The following VWA8 variants were observed in gnomAD, a reference collection of about 807,000 sequenced individuals.
VWA8 encodes the protein von Willebrand factor A domain-containing protein 8.
VWA8 carries 221 observed loss-of-function variants against 241.5 expected under a neutral mutation model. The ratio of observed to expected loss-of-function variants is 0.91; its 90% confidence interval spans 0.82 to 1.02. The LOEUF is 1.02. VWA8 is among the 50% of genes least tolerant of loss of function. The pLI, the probability that VWA8 is intolerant of heterozygous loss-of-function variation, is 0.00. For synonymous variants in VWA8, 852 were observed against 827.1 expected, an observed-to-expected ratio of 1.03 and a Z score of -0.52; for missense variants, 2,322 against 2,328.7, an observed-to-expected ratio of 1.00 and a Z score of 0.06.
chr13:41,693,315 G>T (rs1449472972), intron 29 of VWA8, among the ~76,000 whole-genome samples: 1 of 151,794 alleles, frequency 6.6e-6, no homozygotes, highest in Non-Finnish European at 1.5e-5. Context: ...TTATTATCTA[G>T]TTATAAGGAA....
At chr13:41,587,127 A>G (rs2044423683) in intron 42 of VWA8, among the ~76,000 whole-genome samples, 1 of 152,190 alleles carries the variant, frequency 6.6e-6, no homozygotes, top group Non-Finnish European at 1.5e-5. Flanking sequence ...CCATGTGGAA[A>G]TGGAACGTGA....
At chr13:41,569,392 G>A (rs1237080857) in intron 44 of VWA8, among the ~76,000 whole-genome samples, 2 of 152,198 alleles carry the variant, frequency 1.3e-5, no homozygotes, top group Non-Finnish European at 2.9e-5. Context: ...TTGAGGATGT[G>A]GAGGTTCTAA....
intron 21 of VWA8, among the ~76,000 whole-genome samples, chr13:41,742,889 T>C (rs1424343169): frequency 2.6e-5 from 4 of 152,194 alleles, no homozygotes; most frequent in Non-Finnish European, 5.9e-5. Flanking sequence ...TTTATGCTTA[T>C]GGTGGCACAA....
intron 26 of VWA8, among the ~76,000 whole-genome samples, chr13:41,716,858 A>G (rs2045350832): frequency 1.3e-5 from 2 of 152,052 alleles, no homozygotes; most frequent in Non-Finnish European, 2.9e-5. Flanking sequence ...GCTGGGTAGA[A>G]GCAGCCTACA....
intron 42 of VWA8, among the ~76,000 whole-genome samples, chr13:41,586,680 GC>G (rs1173099476): frequency 6.6e-6 from 1 of 152,174 alleles, no homozygotes; most frequent in South Asian, 2.1e-4. Flanking sequence ...ATCCTGGGGT[GC>G]ATGTGGGATG....
chr13:41,798,401 T>C (rs1303077403), intron 17 of VWA8, among the ~76,000 whole-genome samples: 1 of 152,200 alleles, frequency 6.6e-6, no homozygotes, highest in African/African-American at 2.4e-5. Context: ...AGCTCAGTCT[T>C]TAGCTGAAAA....
chr13:41,801,191 C>T (rs1407733393), intron 17 of VWA8, among the ~76,000 whole-genome samples: 1 of 151,724 alleles, frequency 6.6e-6, no homozygotes, highest in Non-Finnish European at 1.5e-5. Flanking sequence ...GTTGATTCAA[C>T]TACCAGGGCA....
At chr13:41,830,058 A>T (rs369374649) in intron 14 of VWA8, among the ~76,000 whole-genome samples, 31 of 152,034 alleles carry the variant, frequency 2.0e-4, no homozygotes, top group Non-Finnish European at 3.7e-4. Context: ...CTGGCTAACA[A>T]GGTGAAACCC....
At chr13:41,787,605 A>AAT (rs2137943261) in intron 17 of VWA8, 62 bp from the exon 18 acceptor site, 1 of 678,676 alleles carries the variant, frequency 1.5e-6, no homozygotes. Context: ...GCGATTCTTA[A>AAT]ATACACACAC....
At chr13:41,740,194 C>A (rs555591780) in intron 21 of VWA8, among the ~76,000 whole-genome samples, 1 of 152,222 alleles carries the variant, frequency 6.6e-6, no homozygotes, top group African/African-American at 2.4e-5. Flanking sequence ...GGAACAGATA[C>A]CTCTGAGGAA....
At chr13:41,831,165 T>A (rs1392161744) in intron 13 of VWA8, among the ~76,000 whole-genome samples, 1 of 152,216 alleles carries the variant, frequency 6.6e-6, no homozygotes, top group Non-Finnish European at 1.5e-5. Context: ...GTCTTCCAGA[T>A]GTTGCAATGG....
chr13:41,887,919 A>C (rs1369740720), intron 5 of VWA8, among the ~76,000 whole-genome samples: 2 of 152,194 alleles, frequency 1.3e-5, no homozygotes, highest in Admixed American at 6.5e-5. Flanking sequence ...GAATGAATCA[A>C]AGTTCAAAGG....
chr13:41,577,774 TG>T (rs956825061), intron 42 of VWA8, among the ~76,000 whole-genome samples: 5 of 152,230 alleles, frequency 3.3e-5, no homozygotes, highest in Non-Finnish European at 7.3e-5. Context: ...TATATTGGGC[TG>T]AGGTAAGAGG....
At chr13:41,573,494 T>A (rs995613922) in intron 43 of VWA8, among the ~76,000 whole-genome samples, 10 of 133,406 alleles carry the variant, frequency 7.5e-5, no homozygotes, top group African/African-American at 1.3e-4. Flanking sequence ...AAAATATATA[T>A]ATATATATAT....
At chr13:41,799,831 G>A (rs1869868072) in intron 17 of VWA8, among the ~76,000 whole-genome samples, 2 of 151,940 alleles carry the variant, frequency 1.3e-5, no homozygotes, top group South Asian at 4.2e-4. Flanking sequence ...CAATTCAATG[G>A]TTTCTAGTAT....
chr13:41,764,066 G>A (rs948145985), intron 20 of VWA8, among the ~76,000 whole-genome samples: 4 of 152,008 alleles, frequency 2.6e-5, no homozygotes, highest in Admixed American at 1.3e-4. Context: ...ATTCTTAACC[G>A]TCAACTGAAC....
Position 41,863,450 on chromosome 13 carries a change from TATATTCAC to T in VWA8, c.1425+2278_1425+2285del, listed in dbSNP as rs1489424727. On this transcript the variant is annotated intron_variant, in intron 12 of 44. Coordinates refer to ENST00000379310, the MANE Select transcript of VWA8 (RefSeq NM_015058.2). ...GTGTGTGTGTATATATATATATATATATATTCACACACACACACACACTATATATATTA... is the reference window on the plus strand; with the variant it reads ...GTGTGTGTGTATATATATATATATATACACACACACACACTATATATATTA... Among the ~76,000 whole-genome samples the T allele has an allele frequency of 6.5e-5, 7 of 107,704 alleles. 1 individual carries two copies. In the East Asian group the frequency reaches 1.0e-3, roughly 16 times the overall value. 70.7% of individuals were successfully genotyped at this position (107,704 alleles called of 152,430 possible).
intron 9 of VWA8, among the ~76,000 whole-genome samples, chr13:41,879,096 T>C (rs1426259803): frequency 6.6e-6 from 1 of 152,184 alleles, no homozygotes; most frequent in Non-Finnish European, 1.5e-5. Context: ...AGTCACGACC[T>C]TTGATCTTAA....
At chr13:41,615,176 T>A in intron 37 of VWA8, 92 bp from the exon 38 acceptor site, 2 of 1,313,738 alleles carry the variant, frequency 1.5e-6, no homozygotes, top group Non-Finnish European at 2.1e-6. Flanking sequence ...CCTAAGTCCT[T>A]AAGGTATCAC....
Sources: gnomAD v4.1 joint callset for allele counts (sites outside exome capture counted in the v4.1 genomes callset) on GRCh38, gnomAD v4.1.1 for gene constraint, MANE v1.5 for transcripts, NCBI Gene and HGNC (gene_info 2026-07-23, HGNC 2026-07-21) for gene names.